Variants in IWS1 observed in about 807,000 individuals in gnomAD.
IWS1 encodes the protein interacts with SUPT6H, CTD assembly factor 1.
IWS1 carries 27 observed loss-of-function variants against 86.7 expected under a neutral mutation model. The observed-to-expected ratio is 0.31, with a 90% CI of 0.23 to 0.43. The LOEUF (loss-of-function observed/expected upper bound fraction) is 0.43. IWS1 is among the 20% of genes least tolerant of loss of function. The pLI is 1.00. For missense variants in IWS1, 827 were observed against 1,000.8 expected (o/e 0.83, Z 2.34); for synonymous variants, 313 against 335.1 (o/e 0.93, Z 0.72).
Position 127,489,216 on chromosome 2 carries a change from T to C in IWS1, c.2179A>G (p.Arg727Gly), listed in dbSNP as rs758690640. 4 of 1,613,258 alleles carry C rather than the reference T, an allele frequency of 2.5e-6. No individual in the cohort carries two copies. The highest frequency in any genetic ancestry group is 3.4e-6 in the Non-Finnish European group (4 of 1,179,462). Residue 727 changes from arginine (R) to glycine (G), a missense_variant, in exon 12 of 14, where the codon AGA (arginine) becomes GGA (glycine). Arg to Gly is a moderately radical substitution (Grantham distance 125). Around this residue, in one of 2 missense-constraint regions of IWS1, gnomAD observed 279 missense variants for 440.6 expected, o/e 0.63. Transcript: ENST00000295321. The surrounding 1 kb of genome is among the most constrained non-coding windows in gnomAD (Gnocchi z 4.8). Reference protein sequence around the residue: ...RMNSTGGQTPRRDLEKVLTGE... With the variant: ...RMNSTGGQTPGRDLEKVLTGE... ...GTCAGCACCTTTTCCAGGTCTCTTC[T>C]GGGTGTCTGACCACCAGTGCTGAAA...
At chr2:127,518,005 C>T (rs1414907112) in intron 2 of IWS1, among the ~76,000 whole-genome samples, 1 of 152,084 alleles carries the variant, frequency 6.6e-6, no homozygotes, top group African/African-American at 2.4e-5. Context: ...ATGTCCAGAA[C>T]AAGGACTTCT....
intron 3 of IWS1, 25 bp downstream of exon 3, chr2:127,504,659 T>TAA: frequency 1.3e-6 from 2 of 1,517,720 alleles, no homozygotes; most frequent in Non-Finnish European, 1.8e-6. Context: ...AAGCCATTGA[T>TAA]AAACAGCCCA....
In IWS1 at chr2:127,505,593, G is replaced by A. The variant is rs1428513339; in HGVS notation, c.310C>T (p.Pro104Ser). Residue 104 changes from proline (P) to serine (S), a missense_variant, in exon 3 of 14, where the codon CCT becomes TCT. Physicochemically the swap from Pro to Ser is moderately conservative, Grantham distance 74. This residue lies in a region of IWS1 where 548 missense variants were observed against 560.2 expected (regional missense o/e 0.98). Coordinates refer to ENST00000295321, the MANE Select transcript of IWS1 (RefSeq NM_017969.3). The surrounding 1 kb of genome is among the most constrained non-coding windows in gnomAD (Gnocchi z 5.0). ...TCCTCATTTTCAGAATCGCTTGCAGGAGGCTCTGCACGTTCCTCAGATTCA... is the reference window on the plus strand; with the variant it reads ...TCCTCATTTTCAGAATCGCTTGCAGAAGGCTCTGCACGTTCCTCAGATTCA... Reference protein sequence around the residue: ...DSESEERAEPPASDSENEDVN... With the variant: ...DSESEERAEPSASDSENEDVN... The A allele has an allele frequency of 1.2e-6, 2 of 1,613,764 alleles. No homozygotes were observed. Among genetic ancestry groups the A allele is most frequent in the Non-Finnish European group, 1.7e-6 (2 of 1,179,982 alleles).
Position 127,505,398 on chromosome 2 carries a change from C to A in IWS1, c.505G>T (p.Ala169Ser), listed in dbSNP as rs760478078. 1.9e-6 allele frequency: 3 copies of A among 1,613,966 alleles called. No homozygotes were observed. The highest frequency in any genetic ancestry group is 1.3e-5 in the African/African-American group (1 of 75,022). The change falls in exon 3 of 14, where the codon GCT becomes TCT. Residue 169 changes from alanine (A) to serine (S), a missense_variant. Ala to Ser is a moderately conservative substitution (Grantham distance 99). Around this residue, in one of 2 missense-constraint regions of IWS1, gnomAD observed 548 missense variants for 560.2 expected, o/e 0.98. Transcript: ENST00000295321. This position sits in a 1 kb window ranked among gnomAD's most constrained non-coding sequence, Gnocchi z 5.0. ...SEIEELQKSP[A>S]SDSETEDALK... ...GCATCTTCTGTTTCAGAGTCACTAG[C>A]AGGACTCTTCTGGAGCTCCTCAATC...
At chr2:127,491,087 T>C (rs1690202274) in intron 10 of IWS1, among the ~76,000 whole-genome samples, 3 of 152,342 alleles carry the variant, frequency 2.0e-5, no homozygotes, top group African/African-American at 7.2e-5. Context: ...CTTGATTACA[T>C]AAATTTTGGT....
chr2:127,484,370 A>G (rs764402348), intron 13 of IWS1: 12 of 152,228 alleles, frequency 7.9e-5, no homozygotes, highest in African/African-American at 2.7e-4. Flanking sequence ...ATTTATTTAC[A>G]TAACTTTGAA....
chr2:127,512,204 T>C (rs2104721334), intron 2 of IWS1, among the ~76,000 whole-genome samples: 1 of 152,282 alleles, frequency 6.6e-6, no homozygotes, highest in East Asian at 1.9e-4. Context: ...TTTCCTTTGA[T>C]ACATTTTCCA....
chr2:127,490,497 A>C (rs962848293), intron 10 of IWS1, among the ~76,000 whole-genome samples: 2 of 152,334 alleles, frequency 1.3e-5, no homozygotes, highest in East Asian at 1.9e-4. Context: ...AGTCAGTCAA[A>C]GTCCAGGAGC....
At chr2:127,484,104 G>C (rs1233628458) in intron 13 of IWS1, among the ~76,000 whole-genome samples, 1 of 152,172 alleles carries the variant, frequency 6.6e-6, no homozygotes, top group Non-Finnish European at 1.5e-5. Flanking sequence ...AGGAGATCAA[G>C]ACCATCCTGG....
In IWS1 at chr2:127,504,338, C is replaced by T. The variant is rs17015334; in HGVS notation, c.1219+346G>A. ...GTGAACTAAGTGTCAAAGAGACCCA[C>T]AGCTAACAATTAATACAGTTAGGGG... On this transcript the variant is annotated intron_variant, in intron 3 of 13. Transcript: ENST00000295321. Among the ~76,000 whole-genome samples the T allele has an allele frequency of 9.6e-3, 1,458 of 151,896 alleles. 28 individuals are homozygous for T. Among genetic ancestry groups the T allele is most frequent in the African/African-American group, 0.033 (1,381 of 41,392 alleles).
intron 1 of IWS1, among the ~76,000 whole-genome samples, chr2:127,524,630 C>G (rs1465915388): frequency 1.3e-5 from 2 of 151,940 alleles, no homozygotes; most frequent in East Asian, 1.9e-4. Flanking sequence ...CCTCCACCCC[C>G]CCGGGTTCAA....
rs548265559 is a variant in IWS1 at position 127,512,819 on chromosome 2, T to C, written c.151-7067A>G. Among the ~76,000 whole-genome samples, 7 of 152,360 alleles carry C rather than the reference T, an allele frequency of 4.6e-5. No homozygotes were observed. In the South Asian group the frequency reaches 1.4e-3, roughly 32 times the overall value. On this transcript the variant is annotated intron_variant, in intron 2 of 13. Coordinates refer to ENST00000295321, the MANE Select transcript of IWS1 (RefSeq NM_017969.3). ...GATACCTTAAAGTTTTAAGTTTGCA[T>C]TGCTATGCCTAGTAAACAATAAACA... is the stretch of plus-strand genomic sequence containing the variant.
At position 127,481,000 on chromosome 2, in the gene IWS1, T is replaced by C. The variant is rs773501403; in HGVS notation, c.*44A>G. Reference sequence around the variant, plus strand: ...TATCTTCTTTCTCCAAAGAGTCCATTGCGCATTTCTTAGAGTAGAGATGGG... The same window carrying C: ...TATCTTCTTTCTCCAAAGAGTCCATCGCGCATTTCTTAGAGTAGAGATGGG... On this transcript the variant is annotated 3_prime_UTR_variant, in exon 14 of 14. Coordinates refer to ENST00000295321, the MANE Select transcript of IWS1 (RefSeq NM_017969.3). 1 of 1,569,740 alleles carries C rather than the reference T, an allele frequency of 6.4e-7. No homozygotes were observed. The highest frequency in any genetic ancestry group is 1.2e-5 in the South Asian group (1 of 83,944).
At chr2:127,491,908 T>C (rs1690247680) in intron 10 of IWS1, 63 bp downstream of exon 10, 6 of 934,838 alleles carry the variant, frequency 6.4e-6, no homozygotes, top group Non-Finnish European at 1.1e-5. Flanking sequence ...AGCTTTTATA[T>C]ATACGCATCT....
In IWS1 at chr2:127,495,677, A is replaced by G. The variant is rs565281695; in HGVS notation, c.1716+321T>C. On this transcript the variant is annotated intron_variant, in intron 7 of 13. Transcript: ENST00000295321. ...TCAGGAGCAAGAGAACGACACATGA[A>G]TTTGTAACACCTTTTATATATGAAG... 1.1e-4 allele frequency among the ~76,000 whole-genome samples: 17 copies of G among 152,352 alleles called. 1 individual carries two copies. The East Asian group carries it at 3.1e-3, about 28-fold the overall frequency.
intron 10 of IWS1, among the ~76,000 whole-genome samples, 170 bp from the exon 11 acceptor site, chr2:127,490,113 TACTG>T (rs922619032): frequency 4.4e-4 from 67 of 152,236 alleles, no homozygotes; most frequent in African/African-American, 1.5e-3. Context: ...AATGCCAGTG[TACTG>T]ACTGACTCTG....
Position 127,505,122 on chromosome 2 carries a change from T to C in IWS1, c.781A>G (p.Ser261Gly), listed in dbSNP as rs1485501187. ...ESEDPPRHQASDSENEELPKP... is the reference protein window; with the variant it reads ...ESEDPPRHQAGDSENEELPKP... Reference sequence around the variant, plus strand: ...GGAAGCTCTTCATTTTCTGAGTCACTGGCCTGGTGCCTCGGAGGGTCCTCA... The same window carrying C: ...GGAAGCTCTTCATTTTCTGAGTCACCGGCCTGGTGCCTCGGAGGGTCCTCA... Residue 261 changes from serine to glycine, a missense_variant, in exon 3 of 14, where the codon AGT becomes GGT. Ser to Gly is a moderately conservative substitution (Grantham distance 56). Coordinates refer to ENST00000295321, the MANE Select transcript of IWS1 (RefSeq NM_017969.3). This position sits in a 1 kb window ranked among gnomAD's most constrained non-coding sequence, Gnocchi z 5.0. 2 of 1,610,364 alleles carry C rather than the reference T, an allele frequency of 1.2e-6. No individual in the cohort carries two copies. The highest frequency in any genetic ancestry group is 4.5e-5 in the East Asian group (2 of 44,864).
intron 5 of IWS1, among the ~76,000 whole-genome samples, chr2:127,500,472 C>G (rs1251591770): frequency 1.3e-5 from 2 of 151,998 alleles, no homozygotes; most frequent in Non-Finnish European, 2.9e-5. Context: ...ATAAAGTGAC[C>G]TCTTTATCTT....
At position 127,494,668 on chromosome 2, in the gene IWS1, A is replaced by AT. The variant is rs1389025893; in HGVS notation, c.1799+203dup. On this transcript the variant is annotated intron_variant, in intron 8 of 13. Coordinates refer to ENST00000295321, the MANE Select transcript of IWS1 (RefSeq NM_017969.3). ...CCAAGTTTTTCTTTCGTTAGTATCA[A>AT]TTTTTTATTTGTTCTGTTTGCACCA... 8 of 376,832 alleles carry AT rather than the reference A, an allele frequency of 2.1e-5. 1 individual carries two copies. Among genetic ancestry groups the AT allele is most frequent in the African/African-American group, 4.2e-5 (2 of 47,904 alleles). The allele number at this position is 376,832 out of a possible 1,614,324, so 23.3% of individuals were successfully genotyped here.
Sources: gnomAD v4.1 joint callset for allele counts (sites outside exome capture counted in the v4.1 genomes callset) on GRCh38, gnomAD v4.1.1 for gene constraint, gnomAD v4.1.1 regional missense constraint, Gnocchi (gnomAD v3.1) non-coding constraint, MANE v1.5 for transcripts, NCBI Gene and HGNC (gene_info 2026-07-23, HGNC 2026-07-21) for gene names.